The following DNM3 variants were observed in gnomAD, a reference collection of about 807,000 sequenced individuals.
The protein encoded by DNM3 is dynamin 3, also known as dynamin-3.
DNM3 carries 47 observed loss-of-function variants against 101.6 expected under a neutral mutation model. That is an observed-to-expected ratio of 0.46 (90% CI 0.37 to 0.59). The LOEUF is 0.59. DNM3 is among the 20% of genes least tolerant of loss of function. DNM3 has a pLI of 0.00. For synonymous variants in DNM3, 385 were observed against 387.9 expected, an observed-to-expected ratio of 0.99 and a Z score of 0.09; for missense variants, 849 against 1,085.7, an observed-to-expected ratio of 0.78 and a Z score of 3.06.
At chr1:172,327,123 G>T (rs1172041970) in intron 17 of DNM3, among the ~76,000 whole-genome samples, 1 of 152,112 alleles carries the variant, frequency 6.6e-6, no homozygotes. Context: ...GGAGGGCCTT[G>T]ATATTTAAGA....
At chr1:171,968,142 A>G (rs757901102) in intron 2 of DNM3, among the ~76,000 whole-genome samples, 3 of 152,208 alleles carry the variant, frequency 2.0e-5, no homozygotes, top group Non-Finnish European at 4.4e-5. Context: ...GAATGTATAC[A>G]TGTGCTAAAC....
intron 10 of DNM3, among the ~76,000 whole-genome samples, chr1:172,055,996 G>A (rs572167609): frequency 1.3e-5 from 2 of 152,324 alleles, no homozygotes; most frequent in South Asian, 4.1e-4. Context: ...CACCGTGCAC[G>A]AGCCGAAGCA....
At chr1:172,134,180 A>G (rs2057095983) in intron 14 of DNM3, among the ~76,000 whole-genome samples, 1 of 152,148 alleles carries the variant, frequency 6.6e-6, no homozygotes, top group Non-Finnish European at 1.5e-5. Context: ...CTTAAGTTCA[A>G]GGTAGCAAAA....
intron 4 of DNM3, among the ~76,000 whole-genome samples, chr1:172,016,868 A>G (rs2047487113): frequency 6.6e-6 from 1 of 152,064 alleles, no homozygotes; most frequent in Admixed American, 6.5e-5. Context: ...ATTTTTAATT[A>G]ATTATTGAAA....
At chr1:172,097,085 G>C (rs1279497324) in intron 13 of DNM3, among the ~76,000 whole-genome samples, 1 of 152,114 alleles carries the variant, frequency 6.6e-6, no homozygotes, top group Non-Finnish European at 1.5e-5. Context: ...GGGAGCAGGT[G>C]TAAGGGGAGA....
At chr1:172,292,162 C>G (rs2757485) in intron 15 of DNM3, among the ~76,000 whole-genome samples, 13,088 of 152,090 alleles carry the variant, frequency 0.086, 709 homozygotes, top group African/African-American at 0.15. Context: ...TTTACCTTAT[C>G]TTTGGCATTG....
chr1:172,245,801 C>T (rs755435922), intron 14 of DNM3, among the ~76,000 whole-genome samples: 7 of 152,122 alleles, frequency 4.6e-5, no homozygotes, highest in Non-Finnish European at 8.8e-5. Flanking sequence ...GGTGGACCGG[C>T]TAGGGAACAA....
chr1:172,112,339 A>G (rs74965804), intron 13 of DNM3, among the ~76,000 whole-genome samples: 46 of 152,336 alleles, frequency 3.0e-4, no homozygotes, highest in African/African-American at 1.0e-3. Context: ...AGTATGTGGT[A>G]GAGCTAGGAT....
chr1:172,005,205 C>T (rs1347167685), intron 4 of DNM3, among the ~76,000 whole-genome samples: 2 of 151,918 alleles, frequency 1.3e-5, no homozygotes, highest in African/African-American at 2.4e-5. Flanking sequence ...TAATACCTTC[C>T]TTTTAGGACT....
intron 15 of DNM3, among the ~76,000 whole-genome samples, chr1:172,271,506 C>G (rs1393549384): frequency 2.0e-5 from 3 of 152,028 alleles, no homozygotes; most frequent in Non-Finnish European, 4.4e-5. Context: ...TCTGCTTCTG[C>G]TTTCAATCTG....
At chr1:172,110,938 A>G (rs2055425478) in intron 13 of DNM3, among the ~76,000 whole-genome samples, 1 of 152,224 alleles carries the variant, frequency 6.6e-6, no homozygotes, top group Non-Finnish European at 1.5e-5. Context: ...CAGGAGGCTA[A>G]TGTGGAAGGA....
chr1:172,218,722 A>G (rs972996631), intron 14 of DNM3, among the ~76,000 whole-genome samples: 5 of 152,166 alleles, frequency 3.3e-5, no homozygotes, highest in African/African-American at 1.2e-4. Context: ...GGAAAACTTT[A>G]AGAGGTATTA....
chr1:172,388,700 G>A lies in DNM3; in HGVS notation c.2413G>A (p.Val805Ile). Residue 805 changes from valine to isoleucine, a missense_variant, in exon 20 of 21, where the codon GTC becomes ATC. By Grantham distance (29) the Val-to-Ile change is conservative. This residue lies in a region of DNM3 where 256 missense variants were observed against 311.7 expected (regional missense o/e 0.82). Transcript: ENST00000627582. ...TGGCCCCCACTCTGGGGCTCCTCCA[G>A]TCCCATTCCGTCCAGGCCCATTACC... ...SPGPHSGAPPVPFRPGPLPPF... is the reference protein window; with the variant it reads ...SPGPHSGAPPIPFRPGPLPPF... 1 of 1,613,786 alleles carries A rather than the reference G, an allele frequency of 6.2e-7. No individual in the cohort carries two copies. The highest frequency in any genetic ancestry group is 8.5e-7 in the Non-Finnish European group (1 of 1,179,832).
chr1:171,878,428 G>A (rs2035968702), intron 1 of DNM3, among the ~76,000 whole-genome samples: 1 of 151,270 alleles, frequency 6.6e-6, no homozygotes, highest in Admixed American at 6.6e-5. Context: ...TTGAGAAATT[G>A]GATTTTTGGA....
At chr1:172,113,377 GA>G (rs752231373) in intron 13 of DNM3, among the ~76,000 whole-genome samples, 38 of 151,730 alleles carry the variant, frequency 2.5e-4, no homozygotes, top group Non-Finnish European at 4.9e-4. Flanking sequence ...TACAATTGAG[GA>G]ACAGATGTAC....
At chr1:172,220,749 T>G (rs678962) in intron 14 of DNM3, among the ~76,000 whole-genome samples, 35,809 of 151,954 alleles carry the variant, frequency 0.24, 4,269 homozygotes, top group African/African-American at 0.29. Context: ...TTTGAAGTTT[T>G]AGGGGATATC....
At chr1:172,299,156 G>C (rs931089764) in intron 15 of DNM3, among the ~76,000 whole-genome samples, 12 of 152,168 alleles carry the variant, frequency 7.9e-5, no homozygotes, top group African/African-American at 2.9e-4. Flanking sequence ...AAAAGCATTG[G>C]AAGTAAGCGT....
intron 4 of DNM3, among the ~76,000 whole-genome samples, chr1:172,026,470 C>T (rs2048210178): frequency 1.3e-5 from 2 of 152,122 alleles, no homozygotes; most frequent in East Asian, 1.9e-4. Flanking sequence ...CAGAAAGATA[C>T]TCCTTGAGAA....
intron 1 of DNM3, among the ~76,000 whole-genome samples, chr1:171,849,201 G>A (rs1302980561): frequency 1.3e-5 from 2 of 152,196 alleles, no homozygotes; most frequent in Admixed American, 6.5e-5. Flanking sequence ...AGTATTTGAA[G>A]AGGAGTCATC....
Sources: gnomAD v4.1 joint callset for allele counts (sites outside exome capture counted in the v4.1 genomes callset) on GRCh38, gnomAD v4.1.1 for gene constraint, gnomAD v4.1.1 regional missense constraint, MANE v1.5 for transcripts, NCBI Gene and HGNC (gene_info 2026-07-23, HGNC 2026-07-21) for gene names.